The following NUB1 variants were observed in gnomAD, a reference collection of about 807,000 sequenced individuals.
NUB1 encodes the protein negative regulator of ubiquitin like proteins 1.
Under a neutral mutation model 77.1 loss-of-function variants are expected in NUB1, and 41 were observed. The ratio of observed to expected loss-of-function variants is 0.53; its 90% CI spans 0.41 to 0.69. The LOEUF (loss-of-function observed/expected upper bound fraction) is 0.69, where lower values mean the gene tolerates loss of function less well. Among genes scored for constraint, NUB1 ranks in the 30% least tolerant of loss-of-function variants. The probability of loss-of-function intolerance (pLI) is 0.00; values close to 1 mark genes in which losing one functional copy is unlikely to be tolerated. For synonymous variants in NUB1, 257 were observed against 281.0 expected, an observed-to-expected ratio of 0.91 and a Z score of 0.85; for missense variants, 643 against 743.8, an observed-to-expected ratio of 0.86 and a Z score of 1.58.
chr7:151,359,398 G>A (rs1400391590), intron 7 of NUB1, among the ~76,000 whole-genome samples: 19 of 150,912 alleles, frequency 1.3e-4, no homozygotes, highest in Non-Finnish European at 2.4e-4. Context: ...AGTCGAGATC[G>A]CGCCACTGCA....
Position 151,377,340 on chromosome 7 carries a change from T to A in NUB1, c.*115T>A. On this transcript the variant is annotated 3_prime_UTR_variant, in exon 15 of 15. Coordinates refer to ENST00000568733, the MANE Select transcript of NUB1 (RefSeq NM_001243351.2). ...CTGAATTACAAGTCCTCTTTGGGTGTAGGAGGGGGTGGGCAGGGGACAAGT... is the reference window on the plus strand; with the variant it reads ...CTGAATTACAAGTCCTCTTTGGGTGAAGGAGGGGGTGGGCAGGGGACAAGT... The A allele has an allele frequency of 1.4e-6, 1 of 729,136 alleles. No individual in the cohort carries two copies. The highest frequency in any genetic ancestry group is 2.1e-6 in the Non-Finnish European group (1 of 472,362). 45.2% of individuals were successfully genotyped at this position (729,136 alleles called of 1,614,324 possible).
chr7:151,365,934 G>A (rs1797658748), intron 8 of NUB1, among the ~76,000 whole-genome samples: 1 of 151,786 alleles, frequency 6.6e-6, no homozygotes, highest in Non-Finnish European at 1.5e-5. Context: ...AGGACAGGAA[G>A]CTTGAGGCCA....
chr7:151,357,909 C>T (rs563854738), intron 7 of NUB1, among the ~76,000 whole-genome samples: 9 of 151,970 alleles, frequency 5.9e-5, no homozygotes, highest in African/African-American at 1.4e-4. Context: ...TGCGCCCGGC[C>T]GGATTAAAGT....
chr7:151,349,042 C>A, intron 2 of NUB1, 31 bp from the exon 3 acceptor site: 1 of 1,558,536 alleles, frequency 6.4e-7, no homozygotes. Flanking sequence ...TTTTTTAAGT[C>A]AGTATTGCAT....
rs186244297 is a variant in NUB1, at chr7:151,367,449, T to C, written c.987+324T>C. Among the ~76,000 whole-genome samples, 176 of 152,218 alleles carry C rather than the reference T, an allele frequency of 1.2e-3. 1 individual carries two copies. The highest frequency in any genetic ancestry group is 4.0e-3 in the African/African-American group (166 of 41,538). On this transcript the variant is annotated intron_variant, in intron 9 of 14. Transcript: ENST00000568733. ...ATTTGCAAGATGTAAATGCAGAAAA[T>C]AGACATTTCAGCAGTAATGGTTTAC...
intron 8 of NUB1, among the ~76,000 whole-genome samples, chr7:151,365,525 A>G (rs867328865): frequency 5.6e-4 from 86 of 152,288 alleles, no homozygotes; most frequent in Middle Eastern, 6.8e-3. Context: ...GAGTGGCAGG[A>G]GAGTCTTCTG....
chr7:151,367,545 C>T (rs1268831105), intron 9 of NUB1, among the ~76,000 whole-genome samples: 2 of 152,214 alleles, frequency 1.3e-5, no homozygotes, highest in African/African-American at 4.8e-5. Context: ...TCATCAAAAT[C>T]CTGCTGATGC....
Position 151,350,941 on chromosome 7 carries a change from G to A in NUB1, c.286-483G>A, listed in dbSNP as rs115234623. On this transcript the variant is annotated intron_variant, in intron 3 of 14. Transcript: ENST00000568733. ...ATGCAAAGGAATGAAGTGCTGATGC[G>A]TCCACAACGTGGGTGCACCTGAAAA... Among the ~76,000 whole-genome samples, 585 of 152,276 alleles carry A rather than the reference G, an allele frequency of 3.8e-3. 3 individuals carry two copies. Among genetic ancestry groups the A allele is most frequent in the East Asian group, 0.011 (58 of 5,176 alleles).
At chr7:151,363,397 ATTAG>A (rs957143110) in intron 8 of NUB1, among the ~76,000 whole-genome samples, 3 of 152,018 alleles carry the variant, frequency 2.0e-5, no homozygotes, top group East Asian at 3.9e-4. Flanking sequence ...AGAAGAGAAG[ATTAG>A]TTAAATGTTA....
chr7:151,350,859 C>G lies in NUB1; in HGVS notation c.286-565C>G, dbSNP rs572923740. ...AGATGGAAATAGTCCAAATGTCCAT[C>G]AACAGATGAAGGGATAGATAAATGT... On this transcript the variant is annotated intron_variant, in intron 3 of 14. Coordinates refer to ENST00000568733, the MANE Select transcript of NUB1 (RefSeq NM_001243351.2). 2.0e-5 allele frequency among the ~76,000 whole-genome samples: 3 copies of G among 152,278 alleles called. No homozygotes were observed. The East Asian group carries it at 5.8e-4, about 29-fold the overall frequency.
rs138056475 is a variant in NUB1 at position 151,365,902 on chromosome 7, T to C, written c.801-1037T>C. On this transcript the variant is annotated intron_variant, in intron 8 of 14. Coordinates refer to ENST00000568733, the MANE Select transcript of NUB1 (RefSeq NM_001243351.2). ...CAAAATTAAAGTCCTTTTTTTTTTA[T>C]TCCATGCATATTTTGATAGGCAGGA... 2.7e-5 allele frequency among the ~76,000 whole-genome samples: 4 copies of C among 148,030 alleles called. No homozygotes were observed. The Admixed American group carries it at 2.7e-4, about 10-fold the overall frequency.
At chr7:151,366,543 GAA>G (rs1367553998) in intron 8 of NUB1, among the ~76,000 whole-genome samples, 3 of 149,378 alleles carry the variant, frequency 2.0e-5, no homozygotes, top group Non-Finnish European at 4.5e-5. Flanking sequence ...AAGAAAGAAA[GAA>G]CGTTGCTCTG....
At position 151,355,769 on chromosome 7, in the gene NUB1, G is replaced by A; in HGVS notation, c.417G>A (p.Gly139=). 1 of 1,582,760 alleles carries A rather than the reference G, an allele frequency of 6.3e-7. No homozygotes were observed. Among genetic ancestry groups the A allele is most frequent in the South Asian group, 1.2e-5 (1 of 85,956 alleles). ...IVINKKQLQL[G]KTLEEQGVAH... is the part of the protein sequence containing the mutation. ...AATAGGCAGTTCTGATTTTTATAGG[G>A]AAAACCCTTGAAGAACAAGGCGTGG... is the stretch of plus-strand genomic sequence containing the variant. Residue 139 remains glycine (G), a splice_region_variant and synonymous_variant, in exon 6 of 15, where the codon GGG becomes GGA. Transcript: ENST00000568733.
chr7:151,351,522 C>T, intron 4 of NUB1, 40 bp downstream of exon 4: 3 of 1,452,286 alleles, frequency 2.1e-6, no homozygotes, highest in Non-Finnish European at 2.9e-6. Context: ...TGCTCTGGGC[C>T]TTTTTACATT....
chr7:151,368,660 C>T, intron 10 of NUB1, 75 bp from the exon 11 acceptor site: 1 of 1,459,778 alleles, frequency 6.9e-7, no homozygotes, highest in Non-Finnish European at 9.1e-7. Flanking sequence ...AATCTAATTT[C>T]TTTTAGGCTT....
At chr7:151,360,546 G>T in intron 8 of NUB1, 1 of 274,112 alleles carries the variant, frequency 3.6e-6, no homozygotes, top group Non-Finnish European at 6.8e-6. Context: ...TTCACCTAAT[G>T]GTTTTGGGGT....
At position 151,342,757 on chromosome 7, in the gene NUB1, G is replaced by A. The variant is rs180805607; in HGVS notation, c.-3+911G>A. 4.3e-3 allele frequency among the ~76,000 whole-genome samples: 655 copies of A among 152,340 alleles called. 3 individuals carry two copies. The highest frequency in any genetic ancestry group is 7.7e-3 in the Non-Finnish European group (525 of 68,030). On this transcript the variant is annotated intron_variant, in intron 1 of 14. Transcript: ENST00000568733. Reference sequence around the variant, plus strand: ...GGAGCTCTTGTTTGCTCCCTGGAGTGTCTGACACGCACTGGGTTTGTAACA... The same window carrying A: ...GGAGCTCTTGTTTGCTCCCTGGAGTATCTGACACGCACTGGGTTTGTAACA...
intron 4 of NUB1, 22 bp from the exon 5 acceptor site, chr7:151,352,790 T>C (rs1796878949): frequency 1.4e-6 from 2 of 1,429,498 alleles, no homozygotes; most frequent in Non-Finnish European, 2.0e-6. Flanking sequence ...TTCCTACAAT[T>C]TTCACTGGTT....
At chr7:151,343,733 A>C (rs1316494954) in intron 1 of NUB1, among the ~76,000 whole-genome samples, 1 of 152,192 alleles carries the variant, frequency 6.6e-6, no homozygotes, top group Non-Finnish European at 1.5e-5. Flanking sequence ...ACAGGCAAGC[A>C]GCAAGGGACT....
Sources: gnomAD v4.1 joint callset for allele counts (sites outside exome capture counted in the v4.1 genomes callset) on GRCh38, gnomAD v4.1.1 for gene constraint, MANE v1.5 for transcripts, NCBI Gene and HGNC (gene_info 2026-07-23, HGNC 2026-07-21) for gene names.